ROBO2: variants seen among roughly 807,000 people sequenced by gnomAD.
ROBO2 encodes the protein roundabout guidance receptor 2.
A neutral mutation model predicts 160.8 loss-of-function variants in ROBO2; 53 were observed. The observed-to-expected ratio is 0.33, with a 90% CI of 0.26 to 0.41. The LOEUF (loss-of-function observed/expected upper bound fraction) is 0.41. ROBO2 is among the 10% of genes least tolerant of loss of function. The pLI, the probability that ROBO2 is intolerant of heterozygous loss-of-function variation, is 1.00. For synonymous variants in ROBO2, 664 were observed against 611.7 expected (o/e 1.09, Z -1.26); for missense variants, 1,577 against 1,722.4 (o/e 0.92, Z 1.49).
chr3:76,966,161 A>T (rs1335569394), intron 2 of ROBO2, among the ~76,000 whole-genome samples: 2 of 151,922 alleles, frequency 1.3e-5, no homozygotes, highest in Non-Finnish European at 2.9e-5. Flanking sequence ...GCCTCAGGTG[A>T]TACACCCACC....
intron 2 of ROBO2, among the ~76,000 whole-genome samples, chr3:76,145,866 C>G (rs2071866880): frequency 6.6e-6 from 1 of 151,932 alleles, no homozygotes; most frequent in Admixed American, 6.6e-5. Flanking sequence ...ACAAATATCA[C>G]CTGTCTATAT....
At chr3:76,954,255 A>G (rs932836316) in intron 2 of ROBO2, among the ~76,000 whole-genome samples, 1 of 152,120 alleles carries the variant, frequency 6.6e-6, no homozygotes, top group Non-Finnish European at 1.5e-5. Flanking sequence ...TAGATGTCCC[A>G]ATAGGTTTTC....
chr3:75,922,737 C>A (rs1947120118), intron 1 of ROBO2, among the ~76,000 whole-genome samples: 1 of 151,938 alleles, frequency 6.6e-6, no homozygotes, highest in African/African-American at 2.4e-5. Context: ...CATCCAAAAA[C>A]CCTTATTTTC....
chr3:77,577,549 A>G lies in ROBO2; in HGVS notation c.2263A>G (p.Ser755Gly). ...GACAGTTGGAAGCTACAATAGCACAAGTATTAGTGTTTCCTGGGATCCTCC... is the reference window on the plus strand; with the variant it reads ...GACAGTTGGAAGCTACAATAGCACAGGTATTAGTGTTTCCTGGGATCCTCC... Residue 755 changes from serine (S) to glycine (G), a missense_variant, in exon 15 of 26, where the codon AGT becomes GGT. Ser to Gly is a moderately conservative substitution (Grantham distance 56). This residue lies in a region of ROBO2 where 940 missense variants were observed against 1,135.5 expected (regional missense o/e 0.83). Transcript: ENST00000461745. 1.2e-6 allele frequency: 2 copies of G among 1,613,414 alleles called. No individual in the cohort carries two copies. Among genetic ancestry groups the G allele is most frequent in the Non-Finnish European group, 8.5e-7 (1 of 1,179,592 alleles).
intron 15 of ROBO2, 38 bp downstream of exon 16, chr3:77,577,652 G>C: frequency 6.2e-7 from 1 of 1,611,540 alleles, no homozygotes; most frequent in South Asian, 1.1e-5. Context: ...CTCATGTAAA[G>C]GTTCCCAGAG....
At chr3:77,259,180 A>C (rs1415375151) in intron 2 of ROBO2, among the ~76,000 whole-genome samples, 1 of 152,190 alleles carries the variant, frequency 6.6e-6, no homozygotes. Flanking sequence ...AGTATTTCAC[A>C]CACCTGTTAT....
chr3:76,609,503 G>A (rs1432508306), intron 2 of ROBO2, among the ~76,000 whole-genome samples: 1 of 150,230 alleles, frequency 6.7e-6, no homozygotes, highest in Non-Finnish European at 1.5e-5. Flanking sequence ...ATTGCTCTTC[G>A]ATTTTTTTTT....
intron 2 of ROBO2, among the ~76,000 whole-genome samples, chr3:75,968,943 G>C (rs1286073655): frequency 6.7e-6 from 1 of 149,144 alleles, no homozygotes; most frequent in Non-Finnish European, 1.5e-5. Context: ...ATAGTACATA[G>C]ATAGCACATA....
intron 2 of ROBO2, among the ~76,000 whole-genome samples, chr3:77,475,277 T>G (rs1199049168): frequency 6.6e-6 from 1 of 152,190 alleles, no homozygotes; most frequent in African/African-American, 2.4e-5. Context: ...CAGTTGATGT[T>G]AGATTTCTTG....
intron 2 of ROBO2, among the ~76,000 whole-genome samples, chr3:76,129,184 G>A (rs145444184): frequency 3.9e-4 from 59 of 152,058 alleles, no homozygotes; most frequent in African/African-American, 1.4e-3. Flanking sequence ...TTGATCTATC[G>A]ATGACCAAAG....
intron 1 of ROBO2, among the ~76,000 whole-genome samples, chr3:75,926,762 T>G (rs1456158129): frequency 1.3e-5 from 2 of 152,194 alleles, no homozygotes; most frequent in Non-Finnish European, 2.9e-5. Context: ...TTGAAATGTC[T>G]CCATCGAACA....
At chr3:76,280,852 A>C (rs1344958892) in intron 2 of ROBO2, among the ~76,000 whole-genome samples, 1 of 151,960 alleles carries the variant, frequency 6.6e-6, no homozygotes, top group African/African-American at 2.4e-5. Flanking sequence ...ACATTTAAAC[A>C]AATGCCATTT....
rs527920792 is a variant in ROBO2, at chr3:76,075,582, A to G, written c.109+137980A>G. On this transcript the variant is annotated intron_variant, in intron 2 of 26. Transcript: ENST00000487694. Reference sequence around the variant, plus strand: ...TTTCTTAGATTGAATTAAATGTAACATTTTACACAATGTAATGCCTTTTTA... The same window carrying G: ...TTTCTTAGATTGAATTAAATGTAACGTTTTACACAATGTAATGCCTTTTTA... 6.6e-5 allele frequency among the ~76,000 whole-genome samples: 10 copies of G among 151,896 alleles called. No homozygotes were observed. In the East Asian group the frequency reaches 1.5e-3, roughly 24 times the overall value.
In ROBO2 at chr3:77,252,072, C is replaced by T. The variant is rs146572358; in HGVS notation, c.388+153732C>T. Among the ~76,000 whole-genome samples, 1,506 of 152,228 alleles carry T rather than the reference C, an allele frequency of 9.9e-3. 20 individuals carry two copies. Among genetic ancestry groups the T allele is most frequent in the African/African-American group, 0.033 (1,358 of 41,538 alleles). ...TTTATTGTAAGCAGTCAAAAGAAGC[C>T]ATGTAGCACTTTGAACACTGTGCTA... On this transcript the variant is annotated intron_variant, in intron 2 of 25. Coordinates refer to ENST00000461745, the Ensembl canonical transcript of ROBO2.
chr3:76,699,790 C>T (rs961537045), intron 2 of ROBO2, among the ~76,000 whole-genome samples: 2 of 152,134 alleles, frequency 1.3e-5, no homozygotes, highest in Non-Finnish European at 2.9e-5. Context: ...TGTAACTTTG[C>T]AGCTAACACT....
At chr3:76,394,266 AG>A in intron 2 of ROBO2, among the ~76,000 whole-genome samples, 1 of 152,168 alleles carries the variant, frequency 6.6e-6, no homozygotes, top group African/African-American at 2.4e-5. Flanking sequence ...GGCTGGTACC[AG>A]TTGTTCCTTT....
At chr3:76,503,278 G>T (rs1029008166) in intron 2 of ROBO2, among the ~76,000 whole-genome samples, 7 of 152,074 alleles carry the variant, frequency 4.6e-5, no homozygotes, top group Non-Finnish European at 1.0e-4. Context: ...TGGTTAGTTA[G>T]CGCCCACCAG....
intron 2 of ROBO2, among the ~76,000 whole-genome samples, chr3:77,213,486 CT>C (rs2084478322): frequency 6.6e-6 from 1 of 151,672 alleles, no homozygotes; most frequent in Non-Finnish European, 1.5e-5. Flanking sequence ...TTTATTAGTC[CT>C]GCTAGCGGTC....
intron 2 of ROBO2, among the ~76,000 whole-genome samples, chr3:77,192,256 A>C (rs912368204): frequency 2.6e-5 from 4 of 152,168 alleles, no homozygotes; most frequent in African/African-American, 9.7e-5. Context: ...GTATGTTTTA[A>C]TATGCTGAAC....
Sources: allele counts gnomAD v4.1 joint callset (sites outside exome capture counted in the v4.1 genomes callset), GRCh38; gene constraint gnomAD v4.1.1; regional missense constraint gnomAD v4.1.1; transcripts MANE v1.5; gene names NCBI Gene and HGNC (gene_info 2026-07-23, HGNC 2026-07-21).